The following DPP10 variants were observed in gnomAD, a reference collection of about 807,000 sequenced individuals.
The protein encoded by DPP10 is dipeptidyl peptidase like 10, also known as inactive dipeptidyl peptidase 10.
A neutral mutation model predicts 120.9 loss-of-function variants in DPP10; 33 were observed. The ratio of observed to expected loss-of-function variants is 0.27; its 90% CI spans 0.21 to 0.37. The LOEUF is 0.37. Ranked by LOEUF, DPP10 falls within the 10% of genes least tolerant of loss-of-function variation. The pLI is 1.00. For synonymous variants in DPP10, 337 were observed against 326.1 expected (o/e 1.03, Z -0.36); for missense variants, 816 against 942.8 (o/e 0.87, Z 1.76).
chr2:114,573,461 C>T (rs542897816), intron 1 of DPP10, among the ~76,000 whole-genome samples: 2 of 152,114 alleles, frequency 1.3e-5, no homozygotes, highest in Non-Finnish European at 2.9e-5. Flanking sequence ...CTGAAAAAAA[C>T]ACCTGGGCAG....
At chr2:114,517,678 TA>T (rs1684713415) in intron 1 of DPP10, among the ~76,000 whole-genome samples, 1 of 152,224 alleles carries the variant, frequency 6.6e-6, no homozygotes, top group Admixed American at 6.5e-5. Context: ...GAAAACACAT[TA>T]AGCTATTTTT....
At chr2:115,328,426 T>C (rs542445642) in intron 2 of DPP10, among the ~76,000 whole-genome samples, 5 of 152,212 alleles carry the variant, frequency 3.3e-5, no homozygotes, top group African/African-American at 4.8e-5. Flanking sequence ...TCTTGACTTA[T>C]GTAATCAATG....
At chr2:115,214,269 T>C (rs958766543) in intron 1 of DPP10, among the ~76,000 whole-genome samples, 1 of 152,196 alleles carries the variant, frequency 6.6e-6, no homozygotes, top group African/African-American at 2.4e-5. Flanking sequence ...TAGTGACAAC[T>C]CTGGCTTTCA....
At chr2:115,433,023 C>T (rs1476936098) in intron 3 of DPP10, among the ~76,000 whole-genome samples, 3 of 151,914 alleles carry the variant, frequency 2.0e-5, no homozygotes, top group African/African-American at 7.3e-5. Context: ...CTCTCCCTGC[C>T]CTGAGAAAAG....
chr2:115,784,102 G>T (rs1683075737), intron 17 of DPP10, among the ~76,000 whole-genome samples: 1 of 152,110 alleles, frequency 6.6e-6, no homozygotes, highest in African/African-American at 2.4e-5. Flanking sequence ...GGGAAATCAT[G>T]TTATTTTCCT....
At chr2:115,316,963 A>G (rs1559411325) in intron 2 of DPP10, among the ~76,000 whole-genome samples, 1 of 152,140 alleles carries the variant, frequency 6.6e-6, no homozygotes, top group Non-Finnish European at 1.5e-5. Context: ...TTTTAAAACA[A>G]TTAGCCAGGT....
chr2:115,234,045 G>T (rs2057874630), intron 1 of DPP10: 3 of 461,568 alleles, frequency 6.5e-6, no homozygotes, highest in African/African-American at 6.1e-5. Flanking sequence ...TGAAGAAAGG[G>T]ACATTTTAAT....
At chr2:114,724,852 C>T (rs981902539) in intron 1 of DPP10, among the ~76,000 whole-genome samples, 1 of 152,182 alleles carries the variant, frequency 6.6e-6, no homozygotes, top group South Asian at 2.1e-4. Context: ...TGCTTGATAG[C>T]TCCTATTGTT....
intron 1 of DPP10, among the ~76,000 whole-genome samples, chr2:114,681,056 A>G (rs1461296757): frequency 1.3e-5 from 2 of 151,894 alleles, no homozygotes; most frequent in African/African-American, 4.8e-5. Context: ...GATCTTCTCC[A>G]AAAATATCCT....
At chr2:114,486,908 T>C (rs1387441159) in intron 1 of DPP10, among the ~76,000 whole-genome samples, 3 of 152,308 alleles carry the variant, frequency 2.0e-5, no homozygotes, top group African/African-American at 7.2e-5. Context: ...CTTTTTAAAG[T>C]TGAGTTTTTC....
intron 4 of DPP10, among the ~76,000 whole-genome samples, chr2:115,508,201 A>G (rs1458418413): frequency 2.0e-5 from 3 of 152,188 alleles, no homozygotes; most frequent in Non-Finnish European, 4.4e-5. Flanking sequence ...TATAATAAAT[A>G]GAACATAGAC....
chr2:115,165,344 AG>A (rs2052756375), intron 1 of DPP10, among the ~76,000 whole-genome samples: 2 of 152,212 alleles, frequency 1.3e-5, no homozygotes, highest in Non-Finnish European at 2.9e-5. Context: ...GGAGGTCTGA[AG>A]CCTCAACTTT....
intron 19 of DPP10, among the ~76,000 whole-genome samples, chr2:115,806,750 A>T (rs1686020886): frequency 6.6e-6 from 1 of 152,180 alleles, no homozygotes; most frequent in African/African-American, 2.4e-5. Flanking sequence ...TCTCCTTGAA[A>T]AAATACAGAA....
intron 1 of DPP10, among the ~76,000 whole-genome samples, chr2:115,190,925 A>G (rs577413467): frequency 6.6e-6 from 1 of 152,306 alleles, no homozygotes. Context: ...CTCTACAGAA[A>G]CTACTTTGGT....
chr2:114,729,512 C>T (rs1676679745), intron 1 of DPP10, among the ~76,000 whole-genome samples: 1 of 152,160 alleles, frequency 6.6e-6, no homozygotes, highest in Non-Finnish European at 1.5e-5. Flanking sequence ...AATTTCTTTC[C>T]ATCTGAAATG....
At chr2:115,743,733 G>T (rs1677589773) in intron 9 of DPP10, among the ~76,000 whole-genome samples, 1 of 150,898 alleles carries the variant, frequency 6.6e-6, no homozygotes, top group South Asian at 2.1e-4. Flanking sequence ...AGAAGTGTTT[G>T]TCTCATTTTT....
intron 1 of DPP10, among the ~76,000 whole-genome samples, chr2:115,183,200 G>T (rs2054198005): frequency 6.6e-6 from 1 of 152,064 alleles, no homozygotes; most frequent in African/African-American, 2.4e-5. Context: ...TAATGTGATG[G>T]TTTTGTACTC....
chr2:115,519,800 T>C (rs1006043155), intron 4 of DPP10, among the ~76,000 whole-genome samples: 6 of 152,172 alleles, frequency 3.9e-5, no homozygotes, highest in Non-Finnish European at 7.4e-5. Context: ...CCTCCACTTA[T>C]GGTCCACTGG....
intron 1 of DPP10, among the ~76,000 whole-genome samples, chr2:114,531,694 A>G (rs1686004451): frequency 6.6e-6 from 1 of 151,882 alleles, no homozygotes; most frequent in Non-Finnish European, 1.5e-5. Context: ...TGTATGTAAA[A>G]CGGAAGCAAA....
Sources: allele counts gnomAD v4.1 joint callset (sites outside exome capture counted in the v4.1 genomes callset), GRCh38; gene constraint gnomAD v4.1.1; transcripts MANE v1.5; gene names NCBI Gene and HGNC (gene_info 2026-07-23, HGNC 2026-07-21).